The following PIP5K1A variants were observed in gnomAD, a reference collection of about 807,000 sequenced individuals.
The protein encoded by PIP5K1A is phosphatidylinositol-4-phosphate 5-kinase type 1 alpha, also known as phosphatidylinositol 4-phosphate 5-kinase type-1 alpha.
PIP5K1A carries 46 observed loss-of-function variants against 72.9 expected under a neutral mutation model. That is an observed-to-expected ratio of 0.63 (90% CI 0.50 to 0.81). The LOEUF (loss-of-function observed/expected upper bound fraction) is 0.81, where lower values mean the gene tolerates loss of function less well. Ranked by LOEUF, PIP5K1A falls within the 30% of genes least tolerant of loss-of-function variation. The probability of loss-of-function intolerance (pLI) is 0.00; values close to 1 mark genes in which losing one functional copy is unlikely to be tolerated. For missense variants in PIP5K1A, 458 were observed against 706.1 expected, an observed-to-expected ratio of 0.65 and a Z score of 3.98; for synonymous variants, 228 against 255.1, an observed-to-expected ratio of 0.89 and a Z score of 1.01.
chr1:151,216,128 C>G, intron 1 of PIP5K1A: 1 of 463,982 alleles, frequency 2.2e-6, no homozygotes, highest in South Asian at 1.6e-5. Context: ...GCGGGCGGAT[C>G]ACGAGGTCAG....
chr1:151,246,225 C>T (rs1404100605), intron 14 of PIP5K1A, among the ~76,000 whole-genome samples: 2 of 152,020 alleles, frequency 1.3e-5, no homozygotes, highest in Admixed American at 6.6e-5. Context: ...TCAGCCTGGG[C>T]GACAGAGCGA....
At chr1:151,236,129 A>G (rs1456358046) in intron 8 of PIP5K1A, among the ~76,000 whole-genome samples, 4 of 151,436 alleles carry the variant, frequency 2.6e-5, no homozygotes, top group Middle Eastern at 3.4e-3. Flanking sequence ...CAAAAAAAAA[A>G]AAAAAAAAAT....
At chr1:151,217,313 T>C (rs1306846899) in intron 1 of PIP5K1A, among the ~76,000 whole-genome samples, 1 of 152,196 alleles carries the variant, frequency 6.6e-6, no homozygotes, top group Non-Finnish European at 1.5e-5. Context: ...TTTCAGGTGT[T>C]CTGATTTCAG....
chr1:151,213,469 C>T lies in PIP5K1A; in HGVS notation c.86-10776C>T, dbSNP rs1459970208. On this transcript the variant is annotated intron_variant, in intron 1 of 15. Transcript: ENST00000368888. ...GGAATTATGCTGAAATTGGGTATCC[C>T]TGTTTTATAGGAGAGTGTTGATTTC... The T allele has an allele frequency of 7.9e-5, 12 of 151,926 alleles. 1 individual carries two copies. The East Asian group carries it at 1.9e-3, about 24-fold the overall frequency. The allele number at this position is 151,926 out of a possible 1,614,324, so 9.4% of individuals were successfully genotyped here.
chr1:151,206,603 T>C (rs1685964509), intron 1 of PIP5K1A, among the ~76,000 whole-genome samples: 1 of 152,210 alleles, frequency 6.6e-6, no homozygotes, highest in Non-Finnish European at 1.5e-5. Context: ...TTTCACTCTT[T>C]TGCCCAGGCT....
chr1:151,224,796 T>G (rs1688872888), intron 3 of PIP5K1A, among the ~76,000 whole-genome samples: 1 of 152,212 alleles, frequency 6.6e-6, no homozygotes, highest in Admixed American at 6.6e-5. Context: ...CAAGTTTCTC[T>G]TTTTTGTCCA....
chr1:151,203,970 CTT>C (rs1386028001), intron 1 of PIP5K1A, among the ~76,000 whole-genome samples: 1 of 152,100 alleles, frequency 6.6e-6, no homozygotes, highest in African/African-American at 2.4e-5. Flanking sequence ...TTAGACATAA[CTT>C]TACAGCTGCT....
chr1:151,231,211 CAAAAAAAAA>C, intron 4 of PIP5K1A, among the ~76,000 whole-genome samples: 2 of 101,464 alleles, frequency 2.0e-5, no homozygotes. Flanking sequence ...GACTTAGTCT[CAAAAAAAAA>C]AAAAAAAAAA....
chr1:151,199,613 CAAAA>C (rs1170539698), intron 1 of PIP5K1A, among the ~76,000 whole-genome samples: 67 of 87,002 alleles, frequency 7.7e-4, no homozygotes, highest in Non-Finnish European at 1.3e-3. Context: ...GACCCTGTCT[CAAAA>C]AAAAAAAAAA....
intron 14 of PIP5K1A, among the ~76,000 whole-genome samples, chr1:151,246,103 C>T (rs1286470868): frequency 6.6e-6 from 1 of 151,942 alleles, no homozygotes; most frequent in African/African-American, 2.4e-5. Flanking sequence ...AAAAATTAGC[C>T]AGGTGTGGTG....
At chr1:151,247,661 T>A (rs1033808576) in intron 15 of PIP5K1A, among the ~76,000 whole-genome samples, 3 of 152,202 alleles carry the variant, frequency 2.0e-5, no homozygotes, top group African/African-American at 7.2e-5. Flanking sequence ...CCTGACCTCG[T>A]GATCCACCTG....
intron 4 of PIP5K1A, among the ~76,000 whole-genome samples, chr1:151,231,070 C>T (rs1352655227): frequency 2.0e-5 from 3 of 151,894 alleles, no homozygotes; most frequent in Admixed American, 6.6e-5. Flanking sequence ...AGCAAGGTGT[C>T]GTGGTGCATG....
rs587604327 is a variant in PIP5K1A, at chr1:151,229,360, C to CTTTT, written c.237+1974_237+1977dup. On this transcript the variant is annotated intron_variant, in intron 4 of 15. Transcript: ENST00000368888. ...CAGCCACCACACCTGGCTTATTTAG[C>CTTTT]TTTTTTTTTTTTTTTTTCCTGAGGG... Among the ~76,000 whole-genome samples, 444 of 130,738 alleles carry CTTTT rather than the reference C, an allele frequency of 3.4e-3. 4 individuals carry two copies. Among genetic ancestry groups the CTTTT allele is most frequent in the African/African-American group, 0.012 (419 of 35,590 alleles). 85.8% of individuals were successfully genotyped at this position (130,738 alleles called of 152,430 possible).
At chr1:151,200,065 AT>A (rs1172719039) in intron 1 of PIP5K1A, among the ~76,000 whole-genome samples, 3 of 152,082 alleles carry the variant, frequency 2.0e-5, no homozygotes, top group Non-Finnish European at 4.4e-5. Context: ...AGTCTAAGGA[AT>A]GTAGGAAATT....
chr1:151,222,048 C>T (rs1365350756), intron 1 of PIP5K1A, among the ~76,000 whole-genome samples: 3 of 152,300 alleles, frequency 2.0e-5, no homozygotes, highest in Admixed American at 2.0e-4. Context: ...GATTGCACCA[C>T]TGCACTCCAG....
chr1:151,221,352 A>G (rs1415337785), intron 1 of PIP5K1A, among the ~76,000 whole-genome samples: 1 of 152,190 alleles, frequency 6.6e-6, no homozygotes, highest in Non-Finnish European at 1.5e-5. Context: ...TAAGGCTGAG[A>G]TGTATTAAAA....
intron 1 of PIP5K1A, among the ~76,000 whole-genome samples, chr1:151,216,900 G>GTTTT (rs78155966): frequency 4.4e-5 from 6 of 136,782 alleles, no homozygotes; most frequent in African/African-American, 1.1e-4. Flanking sequence ...CTTAGTAAAT[G>GTTTT]TTTTTTTTTT....
chr1:151,232,410 G>C (rs1690228146), intron 6 of PIP5K1A, 45 bp downstream of exon 6: 1 of 1,511,672 alleles, frequency 6.6e-7, no homozygotes, highest in Non-Finnish European at 9.2e-7. Flanking sequence ...GTATCAGAGG[G>C]ATATTCCCAA....
chr1:151,211,712 G>A (rs934587424), intron 1 of PIP5K1A, among the ~76,000 whole-genome samples: 3 of 151,524 alleles, frequency 2.0e-5, no homozygotes, highest in South Asian at 2.1e-4. Context: ...AGGCTGAGGC[G>A]GGAGAATGGC....
Sources: allele counts gnomAD v4.1 joint callset (sites outside exome capture counted in the v4.1 genomes callset), GRCh38; gene constraint gnomAD v4.1.1; transcripts MANE v1.5; gene names NCBI Gene and HGNC (gene_info 2026-07-23, HGNC 2026-07-21).